Variants in ZNF609 observed in about 807,000 individuals in gnomAD.
ZNF609 encodes the protein zinc finger protein 609.
Under a neutral mutation model 109.5 loss-of-function variants are expected in ZNF609, and 11 were observed. The ratio of observed to expected loss-of-function variants is 0.10; its 90% confidence interval spans 0.06 to 0.17. The LOEUF is 0.17. ZNF609 is among the 10% of genes least tolerant of loss of function. The pLI is 1.00. For synonymous variants in ZNF609, 646 were observed against 662.0 expected (o/e 0.98, Z 0.37); for missense variants, 1,559 against 1,772.4 (o/e 0.88, Z 2.16).
intron 2 of ZNF609, among the ~76,000 whole-genome samples, chr15:64,588,808 T>G (rs1895246383): frequency 6.6e-6 from 1 of 152,074 alleles, no homozygotes; most frequent in African/African-American, 2.4e-5. Context: ...CTGGCTAATT[T>G]TGTATTTTTA....
chr15:64,547,327 G>A (rs564730858), intron 2 of ZNF609, among the ~76,000 whole-genome samples: 2 of 152,276 alleles, frequency 1.3e-5, no homozygotes, highest in African/African-American at 4.8e-5. Flanking sequence ...ACATGATCTA[G>A]ATGTTTGGAT....
At chr15:64,666,223 G>A (rs746476861) in intron 3 of ZNF609, among the ~76,000 whole-genome samples, 5 of 151,558 alleles carry the variant, frequency 3.3e-5, no homozygotes, top group Non-Finnish European at 2.9e-5. Context: ...GTATAACCCT[G>A]TCTTTACTAA....
intron 3 of ZNF609, among the ~76,000 whole-genome samples, chr15:64,639,936 G>GT (rs1054535682): frequency 4.0e-5 from 6 of 151,892 alleles, no homozygotes; most frequent in East Asian, 1.9e-4. Flanking sequence ...GTTTTGTTTT[G>GT]TTTTTTTGAG....
At chr15:64,644,875 T>A (rs1356823585) in intron 3 of ZNF609, among the ~76,000 whole-genome samples, 2 of 152,226 alleles carry the variant, frequency 1.3e-5, no homozygotes, top group African/African-American at 4.8e-5. Flanking sequence ...CAGACTTTGT[T>A]AGCTACCCTT....
chr15:64,538,062 C>T (rs576331109), intron 2 of ZNF609, among the ~76,000 whole-genome samples: 3 of 151,362 alleles, frequency 2.0e-5, no homozygotes, highest in East Asian at 1.9e-4. Context: ...GCCGAGATCG[C>T]GCCATTGCAC....
intron 3 of ZNF609, among the ~76,000 whole-genome samples, chr15:64,627,433 A>G (rs191806811): frequency 6.6e-6 from 1 of 152,268 alleles, no homozygotes; most frequent in East Asian, 1.9e-4. Flanking sequence ...ACTAACCCAA[A>G]GGCCAATACC....
At chr15:64,544,204 G>A (rs1894318558) in intron 2 of ZNF609, among the ~76,000 whole-genome samples, 1 of 152,108 alleles carries the variant, frequency 6.6e-6, no homozygotes, top group South Asian at 2.1e-4. Flanking sequence ...GCCGGGCGTG[G>A]TGGCATGCAT....
intron 2 of ZNF609, among the ~76,000 whole-genome samples, chr15:64,513,412 TTGC>T (rs1333265697): frequency 6.6e-6 from 1 of 152,248 alleles, no homozygotes; most frequent in Non-Finnish European, 1.5e-5. Flanking sequence ...AACAAGCTGA[TTGC>T]TTATTACAAT....
At chr15:64,588,442 A>AAAAAAAAG (rs71133451) in intron 2 of ZNF609, among the ~76,000 whole-genome samples, 5 of 75,272 alleles carry the variant, frequency 6.6e-5, no homozygotes, top group African/African-American at 1.0e-4. Context: ...AAAAAAAAAA[A>AAAAAAAAG]AAGAAGAGGA....
Position 64,680,221 on chromosome 15 carries a change from A to T in ZNF609, c.3806A>T (p.Tyr1269Phe). 6.2e-7 allele frequency: 1 copy of T among 1,613,946 alleles called. No homozygotes were observed. Among genetic ancestry groups the T allele is most frequent in the Non-Finnish European group, 8.5e-7 (1 of 1,179,968 alleles). Residue 1269 changes from tyrosine to phenylalanine, a missense_variant, in exon 7 of 10, where the codon TAT (tyrosine) becomes TTT (phenylalanine). Tyr to Phe is a conservative substitution (Grantham distance 22). Coordinates refer to ENST00000326648, the MANE Select transcript of ZNF609 (RefSeq NM_015042.2). ...CCTTCCAGCTACTCTTTTTCCCCATATGGCAGCAAGGTCTCAGGTGGTGAA... is the reference window on the plus strand; with the variant it reads ...CCTTCCAGCTACTCTTTTTCCCCATTTGGCAGCAAGGTCTCAGGTGGTGAA... ...YLPSSYSFSPYGSKVSGGEDA... is the reference protein window; with the variant it reads ...YLPSSYSFSPFGSKVSGGEDA...
chr15:64,554,418 A>T (rs531098327), intron 2 of ZNF609, among the ~76,000 whole-genome samples: 1 of 152,262 alleles, frequency 6.6e-6, no homozygotes, highest in East Asian at 1.9e-4. Context: ...AGGCAGGCAG[A>T]TTGCTTGAGC....
chr15:64,578,570 G>C (rs1229668557), intron 2 of ZNF609, among the ~76,000 whole-genome samples: 1 of 152,144 alleles, frequency 6.6e-6, no homozygotes, highest in African/African-American at 2.4e-5. Flanking sequence ...GCGTGCACCT[G>C]TAGTCCCAGC....
intron 1 of ZNF609, among the ~76,000 whole-genome samples, chr15:64,469,726 C>G (rs1268642132): frequency 6.6e-6 from 1 of 152,012 alleles, no homozygotes; most frequent in Non-Finnish European, 1.5e-5. Flanking sequence ...GAGTGGAAAT[C>G]AGAAAGCTGC....
At chr15:64,633,045 A>C (rs920511459) in intron 3 of ZNF609, among the ~76,000 whole-genome samples, 1 of 151,898 alleles carries the variant, frequency 6.6e-6, no homozygotes, top group Non-Finnish European at 1.5e-5. Flanking sequence ...CAGCCTCACA[A>C]AGTTCTGCGA....
intron 3 of ZNF609, among the ~76,000 whole-genome samples, chr15:64,657,938 G>A (rs1436832402): frequency 1.3e-5 from 2 of 151,958 alleles, no homozygotes; most frequent in Non-Finnish European, 2.9e-5. Flanking sequence ...CAGATCATCA[G>A]TTGCCTCTCC....
chr15:64,626,743 A>G (rs1437477737), intron 3 of ZNF609, among the ~76,000 whole-genome samples: 1 of 152,078 alleles, frequency 6.6e-6, no homozygotes, highest in African/African-American at 2.4e-5. Context: ...CCTTGGATGC[A>G]TTTTTAAATT....
chr15:64,591,561 T>C (rs1490650051), intron 2 of ZNF609, among the ~76,000 whole-genome samples: 4 of 151,922 alleles, frequency 2.6e-5, no homozygotes, highest in Admixed American at 1.3e-4. Context: ...CTTCACCCTA[T>C]GAAACTAGTG....
intron 2 of ZNF609, among the ~76,000 whole-genome samples, chr15:64,590,596 C>T (rs1007073964): frequency 6.6e-6 from 1 of 151,858 alleles, no homozygotes; most frequent in South Asian, 2.1e-4. Context: ...TGGAATTGCC[C>T]ACGTGAGCCA....
intron 2 of ZNF609, among the ~76,000 whole-genome samples, chr15:64,594,908 C>T (rs1350520574): frequency 6.8e-6 from 1 of 147,354 alleles, no homozygotes; most frequent in South Asian, 2.2e-4. Flanking sequence ...TGCCTGTAGT[C>T]CCAGCTACTC....
Sources: gnomAD v4.1 joint callset for allele counts (sites outside exome capture counted in the v4.1 genomes callset) on GRCh38, gnomAD v4.1.1 for gene constraint, MANE v1.5 for transcripts, NCBI Gene and HGNC (gene_info 2026-07-23, HGNC 2026-07-21) for gene names.